Variants in DPP10 observed in about 807,000 individuals in gnomAD.
DPP10 encodes the protein dipeptidyl peptidase like 10, also known as inactive dipeptidyl peptidase 10.
A neutral mutation model predicts 120.9 loss-of-function variants in DPP10; 33 were observed. The observed-to-expected ratio is 0.27, with a 90% CI of 0.21 to 0.37. The LOEUF (loss-of-function observed/expected upper bound fraction) is 0.37, where lower values mean the gene tolerates loss of function less well. DPP10 is among the 10% of genes least tolerant of loss of function. The probability of loss-of-function intolerance (pLI) is 1.00; values close to 1 mark genes in which losing one functional copy is unlikely to be tolerated. For synonymous variants in DPP10, 337 were observed against 326.1 expected (o/e 1.03, Z -0.36); for missense variants, 816 against 942.8 (o/e 0.87, Z 1.76).
At chr2:115,696,843 T>C (rs924843550) in intron 7 of DPP10, among the ~76,000 whole-genome samples, 1 of 152,224 alleles carries the variant, frequency 6.6e-6, no homozygotes, top group Admixed American at 6.5e-5. Flanking sequence ...TCACATTTTT[T>C]TTAGACATAA....
At chr2:115,445,540 C>T (rs2072498526) in intron 3 of DPP10, among the ~76,000 whole-genome samples, 2 of 152,152 alleles carry the variant, frequency 1.3e-5, no homozygotes, top group Non-Finnish European at 2.9e-5. Context: ...GCAGAGGTCA[C>T]TCTTGCTATG....
chr2:114,839,337 G>A (rs1574315518), intron 1 of DPP10, among the ~76,000 whole-genome samples: 1 of 152,188 alleles, frequency 6.6e-6, no homozygotes, highest in East Asian at 1.9e-4. Context: ...TGCCAAAGAA[G>A]GTAGTATCAG....
rs536319204 is a variant in DPP10, at chr2:115,435,752, C to CA, written c.272-63752dup. 7.9e-5 allele frequency among the ~76,000 whole-genome samples: 12 copies of CA among 151,828 alleles called. No homozygotes were observed. The South Asian group carries it at 2.3e-3, about 29-fold the overall frequency. The stretch of plus-strand genomic sequence containing the variant: ...CTTTGCTTTTGTTGCCTATCTTACA[C>CA]AAAAAATCTTTGCCCAGATTAATGT... On this transcript the variant is annotated intron_variant, in intron 3 of 25. Transcript: ENST00000410059.
chr2:115,241,101 A>G (rs972009680), intron 1 of DPP10, among the ~76,000 whole-genome samples: 3 of 152,020 alleles, frequency 2.0e-5, no homozygotes, highest in Non-Finnish European at 2.9e-5. Flanking sequence ...AAACCCCGCC[A>G]CTACTAAAAA....
intron 13 of DPP10, among the ~76,000 whole-genome samples, chr2:115,773,599 C>A (rs1681734398): frequency 6.6e-6 from 1 of 151,968 alleles, no homozygotes; most frequent in South Asian, 2.1e-4. Flanking sequence ...TTCTATTCTA[C>A]CAAGTTAATA....
intron 1 of DPP10, among the ~76,000 whole-genome samples, chr2:115,021,506 G>T (rs182681053): frequency 6.6e-6 from 1 of 152,128 alleles, no homozygotes; most frequent in East Asian, 1.9e-4. Flanking sequence ...AAAAAGCAGT[G>T]AGATTGAAAT....
intron 1 of DPP10, among the ~76,000 whole-genome samples, chr2:115,278,053 CAGAT>C (rs1192363609): frequency 1.3e-5 from 2 of 152,128 alleles, no homozygotes; most frequent in African/African-American, 2.4e-5. Flanking sequence ...GTTTGGGAGA[CAGAT>C]AGGCATGGAT....
chr2:114,459,616 T>C (rs1678762971), intron 1 of DPP10, among the ~76,000 whole-genome samples: 1 of 152,170 alleles, frequency 6.6e-6, no homozygotes, highest in African/African-American at 2.4e-5. Context: ...ACAAGAGGCC[T>C]CATGGTGAGC....
At chr2:114,690,209 GT>G (rs1252641786) in intron 1 of DPP10, among the ~76,000 whole-genome samples, 2 of 151,908 alleles carry the variant, frequency 1.3e-5, no homozygotes, top group African/African-American at 2.4e-5. Flanking sequence ...GGTTTTTATA[GT>G]TTTGAGTTTT....
At chr2:114,942,402 C>CAAATATATAT (rs371203509) in intron 1 of DPP10, among the ~76,000 whole-genome samples, 1 of 127,812 alleles carries the variant, frequency 7.8e-6, no homozygotes, top group Non-Finnish European at 1.6e-5. Context: ...CACACACACA[C>CAAATATATAT]ATATATATAT....
intron 1 of DPP10, among the ~76,000 whole-genome samples, chr2:114,974,417 C>CTTTTTTT (rs36001857): frequency 7.6e-6 from 1 of 131,592 alleles, no homozygotes; most frequent in Non-Finnish European, 1.6e-5. Context: ...CCTTTTTATC[C>CTTTTTTT]TTTTTTTTTT....
At chr2:115,280,681 G>A (rs898897980) in intron 1 of DPP10, among the ~76,000 whole-genome samples, 2 of 152,180 alleles carry the variant, frequency 1.3e-5, no homozygotes, top group African/African-American at 4.8e-5. Flanking sequence ...AGCCTTTGCT[G>A]CAAGGTTTGA....
chr2:115,835,892 A>T (rs905184001), intron 21 of DPP10, among the ~76,000 whole-genome samples: 10 of 152,034 alleles, frequency 6.6e-5, no homozygotes, highest in African/African-American at 2.4e-4. Flanking sequence ...TGGTGATGTA[A>T]TTAATTTTAT....
chr2:115,377,185 G>C (rs36137643), intron 3 of DPP10, among the ~76,000 whole-genome samples: 4,335 of 151,728 alleles, frequency 0.029, 78 homozygotes, highest in South Asian at 0.069. Flanking sequence ...AAAAGTGTTC[G>C]TATTTCTCCA....
intron 4 of DPP10, among the ~76,000 whole-genome samples, chr2:115,520,057 G>A (rs182626641): frequency 1.3e-5 from 2 of 152,274 alleles, no homozygotes; most frequent in African/African-American, 2.4e-5. Context: ...CATGGCTCAC[G>A]CCTGCAATCC....
intron 1 of DPP10, among the ~76,000 whole-genome samples, chr2:114,468,199 A>G (rs930829893): frequency 5.3e-5 from 8 of 151,988 alleles, no homozygotes; most frequent in African/African-American, 1.9e-4. Context: ...TTACCTTTCT[A>G]AGGTCCAAGG....
intron 1 of DPP10, among the ~76,000 whole-genome samples, chr2:114,684,778 T>A (rs537796616): frequency 1.7e-4 from 26 of 152,094 alleles, no homozygotes; most frequent in Admixed American, 7.2e-4. Flanking sequence ...AAAGAAGACC[T>A]ACCTTCTCTT....
intron 3 of DPP10, among the ~76,000 whole-genome samples, chr2:115,373,413 GT>G (rs905204432): frequency 1.3e-5 from 2 of 152,116 alleles, no homozygotes; most frequent in African/African-American, 4.8e-5. Context: ...TGTTAGAATA[GT>G]AGATTTGAAA....
At chr2:114,881,960 C>T (rs1207282009) in intron 1 of DPP10, among the ~76,000 whole-genome samples, 1 of 152,014 alleles carries the variant, frequency 6.6e-6, no homozygotes, top group Non-Finnish European at 1.5e-5. Flanking sequence ...TCAAGGTGTT[C>T]TAAAGCTATA....
Sources: allele counts gnomAD v4.1 joint callset (sites outside exome capture counted in the v4.1 genomes callset), GRCh38; gene constraint gnomAD v4.1.1; transcripts MANE v1.5; gene names NCBI Gene and HGNC (gene_info 2026-07-23, HGNC 2026-07-21).